Variants in CNN3 observed in about 807,000 individuals in gnomAD.
The protein encoded by CNN3 is calponin 3.
CNN3 carries 11 observed loss-of-function variants against 39.0 expected under a neutral mutation model. That is an observed-to-expected ratio of 0.28 (90% confidence interval 0.18 to 0.47). The LOEUF (loss-of-function observed/expected upper bound fraction) is 0.47, where lower values mean the gene tolerates loss of function less well. Among genes scored for constraint, CNN3 ranks in the 20% least tolerant of loss-of-function variants. The probability of loss-of-function intolerance (pLI) is 0.99; values close to 1 mark genes in which losing one functional copy is unlikely to be tolerated. For missense variants in CNN3, 266 were observed against 403.4 expected, an observed-to-expected ratio of 0.66 and a Z score of 2.92; for synonymous variants, 101 against 138.3, an observed-to-expected ratio of 0.73 and a Z score of 1.89.
At chr1:94,914,323 A>C (rs1192725138) in intron 1 of CNN3, among the ~76,000 whole-genome samples, 1 of 152,224 alleles carries the variant, frequency 6.6e-6, no homozygotes, top group Non-Finnish European at 1.5e-5. Flanking sequence ...CTCTTCAGCA[A>C]GCCCGCTCCA....
intron 1 of CNN3, among the ~76,000 whole-genome samples, chr1:94,912,483 C>G (rs1030713161): frequency 1.3e-5 from 2 of 152,136 alleles, no homozygotes; most frequent in Non-Finnish European, 2.9e-5. Context: ...AGAGTGGACT[C>G]TTGGGGAGAG....
chr1:94,926,405 C>A lies in CNN3; in HGVS notation c.57+433G>T, dbSNP rs1571541590. 3.3e-5 allele frequency among the ~76,000 whole-genome samples: 5 copies of A among 152,302 alleles called. No individual in the cohort carries two copies. The highest frequency in any genetic ancestry group is 3.3e-4 in the Admixed American group (5 of 15,308). ...GCGGAGTCCGCCAGCACCCGGGGCCCGGGCAGATGGCGGGGGCTGCGGCAG... is the reference window on the plus strand; with the variant it reads ...GCGGAGTCCGCCAGCACCCGGGGCCAGGGCAGATGGCGGGGGCTGCGGCAG... On this transcript the variant is annotated intron_variant, in intron 1 of 6. Transcript: ENST00000370206. The surrounding 1 kb of genome is among the most constrained non-coding windows in gnomAD (Gnocchi z 4.2).
intron 1 of CNN3, among the ~76,000 whole-genome samples, chr1:94,917,488 A>T (rs1671316674): frequency 6.6e-6 from 1 of 152,202 alleles, no homozygotes; most frequent in African/African-American, 2.4e-5. Context: ...TAATAAAGAA[A>T]CTAAAACAAG....
Position 94,907,653 on chromosome 1 carries a change from G to A in CNN3, c.58-4129C>T, listed in dbSNP as rs533673819. 1.7e-3 allele frequency among the ~76,000 whole-genome samples: 256 copies of A among 152,330 alleles called. 1 individual carries two copies. The highest frequency in any genetic ancestry group is 7.3e-4 in the Non-Finnish European group (50 of 68,028). On this transcript the variant is annotated intron_variant, in intron 1 of 6. Transcript: ENST00000370206. The stretch of plus-strand genomic sequence containing the variant: ...AGGTGGGCAGATCGTGAGGTCAGGA[G>A]ATCAAGACCATCCTGGCTAACACGG...
intron 1 of CNN3, among the ~76,000 whole-genome samples, chr1:94,907,297 G>T (rs557002836): frequency 6.6e-6 from 1 of 152,114 alleles, no homozygotes; most frequent in East Asian, 1.9e-4. Context: ...CAAATACTTC[G>T]AATATTTTTC....
intron 1 of CNN3, among the ~76,000 whole-genome samples, chr1:94,916,639 G>GA (rs1423946696): frequency 6.6e-6 from 1 of 152,170 alleles, no homozygotes; most frequent in Non-Finnish European, 1.5e-5. Context: ...CTCTCGTCTT[G>GA]AAAGATGTCA....
At chr1:94,899,584 C>A (rs1032199005) in intron 5 of CNN3, 67 bp from the exon 6 acceptor site, 18 of 1,510,164 alleles carry the variant, frequency 1.2e-5, no homozygotes, top group Middle Eastern at 2.2e-4. Context: ...ACAAACAAAA[C>A]TTTCCATGCT....
chr1:94,920,579 A>T (rs1671417055), intron 1 of CNN3, among the ~76,000 whole-genome samples: 1 of 152,176 alleles, frequency 6.6e-6, no homozygotes, highest in Non-Finnish European at 1.5e-5. Context: ...TCTCCCAACA[A>T]CCCTATAAAG....
intron 1 of CNN3, chr1:94,925,539 T>A: frequency 1.1e-6 from 1 of 916,810 alleles, no homozygotes; most frequent in Non-Finnish European, 1.3e-6. Context: ...TAAAATCAAC[T>A]CCTTGCTTCA....
rs1032906772 is a variant in CNN3, at chr1:94,903,145, C to T, written c.223G>A (p.Glu75Lys). Residue 75 changes from glutamate (E) to lysine (K), a missense_variant, in exon 3 of 7, where the codon GAG becomes AAG. By Grantham distance (56) the Glu-to-Lys change is moderately conservative. Coordinates refer to ENST00000370206, the MANE Select transcript of CNN3 (RefSeq NM_001839.5). ...ACCTGAGGCCAGTTCAGTGAGGACTCGTTGACCTTCTTCACTGAGCCTGGC... is the reference window on the plus strand; with the variant it reads ...ACCTGAGGCCAGTTCAGTGAGGACTTGTTGACCTTCTTCACTGAGCCTGGC... ...LQPGSVKKVN[E>K]SSLNWPQLEN... 5 of 1,612,004 alleles carry T rather than the reference C, an allele frequency of 3.1e-6. No homozygotes were observed. Among genetic ancestry groups the T allele is most frequent in the South Asian group, 1.1e-5 (1 of 90,866 alleles).
chr1:94,914,106 C>T (rs1177847697), intron 1 of CNN3, among the ~76,000 whole-genome samples: 3 of 152,162 alleles, frequency 2.0e-5, no homozygotes, highest in Non-Finnish European at 4.4e-5. Flanking sequence ...AACTCATTCC[C>T]GCATTTGTAG....
intron 1 of CNN3, among the ~76,000 whole-genome samples, chr1:94,915,182 G>A (rs956556601): frequency 6.6e-6 from 1 of 152,080 alleles, no homozygotes; most frequent in Admixed American, 6.6e-5. Flanking sequence ...GAGACCCTAA[G>A]TAAAAAGCCA....
rs546159372 is a variant in CNN3, at chr1:94,906,671, C to T, written c.58-3147G>A. Among the ~76,000 whole-genome samples the T allele has an allele frequency of 5.3e-5, 8 of 151,146 alleles. No individual in the cohort carries two copies. The South Asian group carries it at 1.1e-3, about 20-fold the overall frequency. On this transcript the variant is annotated intron_variant, in intron 1 of 6. Transcript: ENST00000370206. ...CTAAACTGGATGCCTGCACTAGGTC[C>T]GTTCCTACTCTCAGCTATCTACACA... is the stretch of plus-strand genomic sequence containing the variant.
Position 94,898,224 on chromosome 1 carries a change from C to T in CNN3, c.649-141G>A, listed in dbSNP as rs72962451. On this transcript the variant is annotated intron_variant, in intron 6 of 6. Transcript: ENST00000370206. ...TGGTTCAGGGGTAAAGCTAGCTTAA[C>T]CAAAATATCCTGATACCGAATCACT... The T allele has an allele frequency of 3.0e-3, 2,297 of 775,794 alleles. 27 individuals carry two copies. The African/African-American group carries it at 0.036, about 12-fold the overall frequency. 48.1% of individuals were successfully genotyped at this position (775,794 alleles called of 1,614,324 possible). A position where few individuals can be genotyped will look rare whatever the true frequency, so the allele number is the denominator to read the frequency against.
rs141653072 is a variant in CNN3 at position 94,898,391 on chromosome 1, C to T, written c.649-308G>A. Among the ~76,000 whole-genome samples the T allele has an allele frequency of 1.6e-4, 25 of 152,222 alleles. 1 individual carries two copies. The East Asian group carries it at 4.8e-3, about 29-fold the overall frequency. ...AAACTGCAAAATGGAGACATTACTA[C>T]CTACTCTGGATTTAAGAGAGAATGA... On this transcript the variant is annotated intron_variant, in intron 6 of 6. Coordinates refer to ENST00000370206, the MANE Select transcript of CNN3 (RefSeq NM_001839.5).
chr1:94,925,096 C>T (rs1671544048), intron 1 of CNN3, among the ~76,000 whole-genome samples: 1 of 152,254 alleles, frequency 6.6e-6, no homozygotes, highest in East Asian at 1.9e-4. Context: ...AAAGCTGCTA[C>T]ATTAGTCAGC....
intron 1 of CNN3, among the ~76,000 whole-genome samples, chr1:94,907,021 T>G (rs1298518475): frequency 6.6e-6 from 1 of 152,108 alleles, no homozygotes; most frequent in East Asian, 1.9e-4. Context: ...GATAGAAAAA[T>G]CAAGCACTGG....
chr1:94,920,069 G>A (rs1292666887), intron 1 of CNN3, among the ~76,000 whole-genome samples: 5 of 152,164 alleles, frequency 3.3e-5, no homozygotes. Flanking sequence ...CTGAAACCAA[G>A]AAAGGAAAGA....
intron 1 of CNN3, among the ~76,000 whole-genome samples, chr1:94,917,273 T>C (rs1301510037): frequency 6.6e-6 from 1 of 152,208 alleles, no homozygotes; most frequent in Non-Finnish European, 1.5e-5. Flanking sequence ...CGACCTCAGT[T>C]GATCCGCCCA....
Sources: allele counts gnomAD v4.1 joint callset (sites outside exome capture counted in the v4.1 genomes callset), GRCh38; gene constraint gnomAD v4.1.1; non-coding constraint Gnocchi (gnomAD v3.1); transcripts MANE v1.5; gene names NCBI Gene and HGNC (gene_info 2026-07-23, HGNC 2026-07-21).